The following EFNA5 variants were observed in gnomAD, a reference collection of about 807,000 sequenced individuals.
EFNA5 encodes ephrin-A5.
In EFNA5, 5 loss-of-function variants were observed where a neutral mutation model predicts 22.9. The ratio of observed to expected loss-of-function variants is 0.22; its 90% CI spans 0.11 to 0.46. The LOEUF (loss-of-function observed/expected upper bound fraction) is 0.46, where lower values mean the gene tolerates loss of function less well. Ranked by LOEUF, EFNA5 falls within the 20% of genes least tolerant of loss-of-function variation. The pLI is 0.99. For synonymous variants in EFNA5, 113 were observed against 112.2 expected (o/e 1.01, Z -0.04); for missense variants, 237 against 293.3 (o/e 0.81, Z 1.40).
intron 1 of EFNA5, among the ~76,000 whole-genome samples, chr5:107,565,113 C>T (rs1471542431): frequency 1.3e-5 from 2 of 152,176 alleles, no homozygotes; most frequent in Non-Finnish European, 2.9e-5. Flanking sequence ...TGATACAATA[C>T]TCTCCTTTCC....
intron 1 of EFNA5, among the ~76,000 whole-genome samples, chr5:107,594,870 A>G (rs1387589907): frequency 6.6e-6 from 1 of 152,200 alleles, no homozygotes; most frequent in Non-Finnish European, 1.5e-5. Flanking sequence ...AGGCCTTTCC[A>G]TTGCTCAACC....
intron 2 of EFNA5, among the ~76,000 whole-genome samples, chr5:107,426,465 A>G (rs1208056441): frequency 6.6e-6 from 1 of 152,240 alleles, no homozygotes; most frequent in Admixed American, 6.5e-5. Context: ...CCCAGATAAC[A>G]CTATGCACGG....
intron 1 of EFNA5, among the ~76,000 whole-genome samples, chr5:107,504,103 A>G (rs1389673581): frequency 1.3e-5 from 2 of 152,128 alleles, no homozygotes; most frequent in African/African-American, 4.8e-5. Flanking sequence ...ATTTTCTTCG[A>G]GCATTTTGTT....
chr5:107,596,709 C>A (rs995075129), intron 1 of EFNA5, among the ~76,000 whole-genome samples: 2 of 151,914 alleles, frequency 1.3e-5, no homozygotes, highest in African/African-American at 4.8e-5. Flanking sequence ...TCTCTCTCTC[C>A]CAGCAAAAGG....
chr5:107,433,462 A>G (rs766814099), intron 1 of EFNA5, among the ~76,000 whole-genome samples: 5 of 152,238 alleles, frequency 3.3e-5, no homozygotes. Flanking sequence ...AGGGCTATTG[A>G]CAGCAAAAGT....
At chr5:107,389,806 G>A (rs1747736006) in intron 2 of EFNA5, among the ~76,000 whole-genome samples, 1 of 152,144 alleles carries the variant, frequency 6.6e-6, no homozygotes, top group Non-Finnish European at 1.5e-5. Context: ...CCATACTTCT[G>A]TGAATTAAAA....
At chr5:107,401,487 A>G (rs1321843897) in intron 2 of EFNA5, among the ~76,000 whole-genome samples, 1 of 152,262 alleles carries the variant, frequency 6.6e-6, no homozygotes, top group Admixed American at 6.5e-5. Context: ...TCTGAATAGA[A>G]ACAACTTAAA....
At chr5:107,476,488 T>C (rs1182334886) in intron 1 of EFNA5, among the ~76,000 whole-genome samples, 1 of 152,162 alleles carries the variant, frequency 6.6e-6, no homozygotes, top group Non-Finnish European at 1.5e-5. Flanking sequence ...GGTGGCTTGT[T>C]TAGAGTTTCA....
chr5:107,554,597 A>G (rs1425036918), intron 1 of EFNA5, among the ~76,000 whole-genome samples: 1 of 152,228 alleles, frequency 6.6e-6, no homozygotes, highest in Non-Finnish European at 1.5e-5. Context: ...TCAGAATTAA[A>G]AAGGAGGTAG....
At chr5:107,420,535 A>AG (rs796124346) in intron 2 of EFNA5, among the ~76,000 whole-genome samples, 8 of 108,340 alleles carry the variant, frequency 7.4e-5, no homozygotes, top group African/African-American at 2.3e-4. Flanking sequence ...AAAAAAAAAA[A>AG]AAAAAGAAAA....
chr5:107,400,416 G>A lies in EFNA5; in HGVS notation c.419-12645C>T, dbSNP rs545794280. Reference sequence around the variant, plus strand: ...CTTCCTTTCAGGTCCTGGATTACATGCTGCCTCCTCAGAGAAGCCTCCTAT... The same window carrying A: ...CTTCCTTTCAGGTCCTGGATTACATACTGCCTCCTCAGAGAAGCCTCCTAT... On this transcript the variant is annotated intron_variant, in intron 2 of 4. Coordinates refer to ENST00000333274, the MANE Select transcript of EFNA5 (RefSeq NM_001962.3). Among the ~76,000 whole-genome samples the A allele has an allele frequency of 2.4e-3, 365 of 152,208 alleles. 1 individual carries two copies. The highest frequency in any genetic ancestry group is 4.6e-3 in the Non-Finnish European group (314 of 68,030).
Position 107,387,784 on chromosome 5 carries a change from C to T in EFNA5, c.419-13G>A. 6.3e-7 allele frequency: 1 copy of T among 1,588,488 alleles called. No individual in the cohort carries two copies. The highest frequency in any genetic ancestry group is 2.2e-5 in the East Asian group (1 of 44,702). ...GGGATTGCAGAGGCTGTGGGTAACA[C>T]AGAGAGAGAGCAGGAAAGAAAGAAG... On this transcript the variant is annotated splice_polypyrimidine_tract_variant and intron_variant, in intron 2 of 4. Transcript: ENST00000333274.
chr5:107,670,197 T>C (rs1751160850), intron 1 of EFNA5, among the ~76,000 whole-genome samples: 1 of 151,562 alleles, frequency 6.6e-6, no homozygotes, highest in South Asian at 2.1e-4. Context: ...AGCAGAGAAG[T>C]CCCTACTCCC....
intron 1 of EFNA5, among the ~76,000 whole-genome samples, chr5:107,654,670 G>C (rs1750789364): frequency 6.6e-6 from 1 of 152,070 alleles, no homozygotes; most frequent in Non-Finnish European, 1.5e-5. Flanking sequence ...TAAAATTCTA[G>C]TTTATGACAA....
At chr5:107,627,678 T>A (rs553440129) in intron 1 of EFNA5, among the ~76,000 whole-genome samples, 80 of 151,732 alleles carry the variant, frequency 5.3e-4, no homozygotes, top group African/African-American at 1.9e-3. Context: ...ATTAAGCCAT[T>A]GTCATAAGTC....
chr5:107,436,773 C>A (rs1749121620), intron 1 of EFNA5, among the ~76,000 whole-genome samples: 1 of 152,108 alleles, frequency 6.6e-6, no homozygotes. Flanking sequence ...AACAAACTGA[C>A]TCTGATCAGG....
chr5:107,618,030 A>G (rs1749959516), intron 1 of EFNA5, among the ~76,000 whole-genome samples: 2 of 149,400 alleles, frequency 1.3e-5, no homozygotes, highest in African/African-American at 5.1e-5. Flanking sequence ...GATTTCAAGA[A>G]AAAAAAAAGA....
At chr5:107,420,522 T>TAAAAAAAAAAAAAA (rs368304882) in intron 2 of EFNA5, among the ~76,000 whole-genome samples, 178 of 108,512 alleles carry the variant, frequency 1.6e-3, no homozygotes, top group Non-Finnish European at 1.8e-3. Context: ...TCTGTGCTTT[T>TAAAAAAAAAAAAAA]AAAAAAAAAA....
intron 1 of EFNA5, among the ~76,000 whole-genome samples, chr5:107,483,532 T>C (rs550755034): frequency 6.6e-6 from 1 of 152,294 alleles, no homozygotes; most frequent in South Asian, 2.1e-4. Flanking sequence ...CCCTCCAGTA[T>C]TTTTATAGCC....
Sources: gnomAD v4.1 joint callset for allele counts (sites outside exome capture counted in the v4.1 genomes callset) on GRCh38, gnomAD v4.1.1 for gene constraint, MANE v1.5 for transcripts, NCBI Gene and HGNC (gene_info 2026-07-23, HGNC 2026-07-21) for gene names.